ARMC3: variants seen among roughly 807,000 people sequenced by gnomAD.
The protein encoded by ARMC3 is armadillo repeat containing 3, also known as armadillo repeat-containing protein 3.
ARMC3 carries 74 observed loss-of-function variants against 90.3 expected under a neutral mutation model. The ratio of observed to expected loss-of-function variants is 0.82; its 90% CI spans 0.68 to 0.99. ARMC3 has a LOEUF of 0.99. Among genes scored for constraint, ARMC3 ranks in the 50% least tolerant of loss-of-function variants. ARMC3 has a pLI of 0.00. For synonymous variants in ARMC3, 334 were observed against 361.8 expected (o/e 0.92, Z 0.87); for missense variants, 958 against 1,042.8 (o/e 0.92, Z 1.12).
chr10:22,967,709 C>T, intron 7 of ARMC3, among the ~76,000 whole-genome samples: 1 of 152,172 alleles, frequency 6.6e-6, no homozygotes, highest in East Asian at 1.9e-4. Flanking sequence ...CATGGTAAAA[C>T]CAGTGAATTC....
At chr10:22,968,639 C>A in intron 8 of ARMC3, 150 bp downstream of exon 8, 1 of 677,508 alleles carries the variant, frequency 1.5e-6, no homozygotes, top group Non-Finnish European at 2.3e-6. Flanking sequence ...GTAGCTGGGA[C>A]TACAGGCATG....
At chr10:22,984,899 G>A (rs750793644) in intron 10 of ARMC3, among the ~76,000 whole-genome samples, 1 of 151,400 alleles carries the variant, frequency 6.6e-6, no homozygotes, top group Non-Finnish European at 1.5e-5. Context: ...TTTAGACAGG[G>A]TGTCACTTTA....
At position 22,959,538 on chromosome 10, in the gene ARMC3, G is replaced by C; in HGVS notation, c.501G>C (p.Lys167Asn). Residue 167 changes from lysine (K) to asparagine (N), a missense_variant, in exon 6 of 19, where the codon AAG becomes AAC. Physicochemically the swap from Lys to Asn is moderately conservative, Grantham distance 94 (BLOSUM62 0). Coordinates refer to ENST00000298032, the MANE Select transcript of ARMC3 (RefSeq NM_173081.5). Reference sequence around the variant, plus strand: ...TGAGTAGCCCTGACCCGGATGTAAAGAAGAACTCTATGGAATGCATTTACA... The same window carrying C: ...TGAGTAGCCCTGACCCGGATGTAAACAAGAACTCTATGGAATGCATTTACA... ...RLLSSPDPDV[K>N]KNSMECIYNL... The C allele has an allele frequency of 6.2e-7, 1 of 1,610,330 alleles. No individual in the cohort carries two copies. The highest frequency in any genetic ancestry group is 8.5e-7 in the Non-Finnish European group (1 of 1,179,272).
At chr10:22,969,063 A>G (rs2131293112) in intron 8 of ARMC3, among the ~76,000 whole-genome samples, 1 of 152,334 alleles carries the variant, frequency 6.6e-6, no homozygotes, top group East Asian at 1.9e-4. Flanking sequence ...TTGGAATTAT[A>G]TAGAAGGTAT....
chr10:22,970,290 G>C (rs1835625865), intron 8 of ARMC3, among the ~76,000 whole-genome samples: 1 of 152,212 alleles, frequency 6.6e-6, no homozygotes, highest in African/African-American at 2.4e-5. Flanking sequence ...AGAAGGAACA[G>C]GGTGTATAAA....
intron 10 of ARMC3, among the ~76,000 whole-genome samples, chr10:22,988,764 A>G (rs1182500992): frequency 6.6e-6 from 1 of 152,202 alleles, no homozygotes; most frequent in African/African-American, 2.4e-5. Context: ...AATAAATGTT[A>G]ACACCCTATT....
chr10:22,932,156 C>A, intron 2 of ARMC3, 112 bp downstream of exon 2: 2 of 737,528 alleles, frequency 2.7e-6, no homozygotes, highest in South Asian at 2.6e-5. Flanking sequence ...TGGCAGAAGT[C>A]CAAAGTCTGA....
At chr10:22,950,436 T>C (rs1834700831) in intron 3 of ARMC3, among the ~76,000 whole-genome samples, 1 of 152,008 alleles carries the variant, frequency 6.6e-6, no homozygotes, top group Non-Finnish European at 1.5e-5. Context: ...AAGTTAAAGA[T>C]GTATACTGCA....
At chr10:23,008,090 T>A (rs934564610) in intron 14 of ARMC3, among the ~76,000 whole-genome samples, 186 bp from the exon 15 acceptor site, 9 of 152,036 alleles carry the variant, frequency 5.9e-5, no homozygotes, top group African/African-American at 1.9e-4. Flanking sequence ...GGCGATAGAG[T>A]GAGATCCTGT....
chr10:23,017,023 T>C (rs2131523859), intron 16 of ARMC3, among the ~76,000 whole-genome samples: 1 of 152,296 alleles, frequency 6.6e-6, no homozygotes, highest in East Asian at 1.9e-4. Flanking sequence ...TTCCTAGTAT[T>C]GGTTTCTAAT....
intron 18 of ARMC3, among the ~76,000 whole-genome samples, chr10:23,035,760 A>T (rs1379944482): frequency 6.6e-6 from 1 of 151,266 alleles, no homozygotes; most frequent in African/African-American, 2.4e-5. Flanking sequence ...CCTACAGGCC[A>T]CTCCTCTATA....
At chr10:22,929,360 T>C (rs1833845285) in intron 1 of ARMC3, among the ~76,000 whole-genome samples, 1 of 151,930 alleles carries the variant, frequency 6.6e-6, no homozygotes, top group African/African-American at 2.4e-5. Flanking sequence ...AGAAATAGTA[T>C]TGATCTCTCT....
intron 13 of ARMC3, among the ~76,000 whole-genome samples, chr10:23,004,706 G>A (rs1172197402): frequency 6.6e-6 from 1 of 152,154 alleles, no homozygotes; most frequent in African/African-American, 2.4e-5. Flanking sequence ...GCACTCCATC[G>A]TGGTAGTGGA....
At chr10:22,965,159 AT>A (rs776080157) in intron 7 of ARMC3, among the ~76,000 whole-genome samples, 8 of 152,086 alleles carry the variant, frequency 5.3e-5, no homozygotes, top group Non-Finnish European at 1.0e-4. Flanking sequence ...GATGCTTTTC[AT>A]TTTTTCCTGT....
chr10:23,016,974 A>C (rs1406882829), intron 16 of ARMC3, among the ~76,000 whole-genome samples: 1 of 152,240 alleles, frequency 6.6e-6, no homozygotes, highest in Non-Finnish European at 1.5e-5. Flanking sequence ...TTTAGAAAAC[A>C]GGTGAACCTA....
intron 10 of ARMC3, among the ~76,000 whole-genome samples, chr10:22,987,876 A>C (rs1374877467): frequency 2.0e-5 from 3 of 152,224 alleles, no homozygotes; most frequent in Non-Finnish European, 4.4e-5. Context: ...TGACTGAAAA[A>C]TTAATTGATT....
intron 3 of ARMC3, among the ~76,000 whole-genome samples, chr10:22,953,916 C>G (rs1414240653): frequency 2.0e-5 from 3 of 152,148 alleles, no homozygotes; most frequent in African/African-American, 7.2e-5. Flanking sequence ...GGTAGGTGTA[C>G]ATCAACATTT....
Position 22,968,490 on chromosome 10 carries a change from G to A in ARMC3, c.916+1G>A, listed in dbSNP as rs767509621. ...GCCATTACTAAAGCAGCTTATGATC[G>A]TATGTCTCATTTTATTTTATTTATT... On this transcript the variant is annotated splice_donor_variant, in intron 8 of 18. Coordinates refer to ENST00000298032, the MANE Select transcript of ARMC3 (RefSeq NM_173081.5). LOFTEE classifies it high-confidence loss of function. The A allele has an allele frequency of 2.4e-5, 38 of 1,564,630 alleles. No homozygotes were observed. The highest frequency in any genetic ancestry group is 2.0e-4 in the East Asian group (9 of 44,332).
chr10:22,942,673 G>C (rs551312004), intron 2 of ARMC3, among the ~76,000 whole-genome samples: 2 of 152,212 alleles, frequency 1.3e-5, no homozygotes, highest in South Asian at 2.1e-4. Flanking sequence ...TTGGAAAACT[G>C]TTCGACAGTA....
Sources: allele counts gnomAD v4.1 joint callset (sites outside exome capture counted in the v4.1 genomes callset), GRCh38; gene constraint gnomAD v4.1.1; transcripts MANE v1.5; gene names NCBI Gene and HGNC (gene_info 2026-07-23, HGNC 2026-07-21).